Variants in GRIA1 observed in about 807,000 individuals in gnomAD.
GRIA1 encodes glutamate ionotropic receptor AMPA type subunit 1.
In GRIA1, 31 loss-of-function variants were observed where a neutral mutation model predicts 99.2. The observed-to-expected ratio is 0.31, with a 90% confidence interval of 0.23 to 0.42. The LOEUF (loss-of-function observed/expected upper bound fraction) is 0.42, where lower values mean the gene tolerates loss of function less well. GRIA1 is among the 10% of genes least tolerant of loss of function. The pLI is 1.00. For missense variants in GRIA1, 782 were observed against 1,157.5 expected, an observed-to-expected ratio of 0.68 and a Z score of 4.71; for synonymous variants, 438 against 432.4, an observed-to-expected ratio of 1.01 and a Z score of -0.16.
chr5:153,619,654 A>G (rs1377918542), intron 2 of GRIA1, among the ~76,000 whole-genome samples: 1 of 152,184 alleles, frequency 6.6e-6, no homozygotes, highest in African/African-American at 2.4e-5. Flanking sequence ...GGGACAAGGT[A>G]TCTTTATCCC....
intron 11 of GRIA1, among the ~76,000 whole-genome samples, chr5:153,718,377 T>C (rs1455435914): frequency 1.3e-5 from 2 of 152,050 alleles, no homozygotes; most frequent in East Asian, 1.9e-4. Context: ...GCAAGACTTA[T>C]AGGAGGAATT....
chr5:153,707,440 C>G (rs948885865), intron 11 of GRIA1, among the ~76,000 whole-genome samples: 1 of 152,310 alleles, frequency 6.6e-6, no homozygotes, highest in East Asian at 1.9e-4. Flanking sequence ...AATTCCCCAC[C>G]AATTTGCCTG....
intron 10 of GRIA1, among the ~76,000 whole-genome samples, chr5:153,704,311 G>T (rs575730485): frequency 6.6e-6 from 1 of 152,344 alleles, no homozygotes. Context: ...ACCTGCATAG[G>T]CATGTCTCTC....
intron 5 of GRIA1, among the ~76,000 whole-genome samples, chr5:153,665,993 C>A (rs1230789180): frequency 2.0e-5 from 3 of 152,156 alleles, no homozygotes; most frequent in Non-Finnish European, 4.4e-5. Flanking sequence ...CAAGGACAAA[C>A]AACTCATGAG....
At chr5:153,541,982 A>ATAC (rs1759168045) in intron 2 of GRIA1, among the ~76,000 whole-genome samples, 4 of 151,054 alleles carry the variant, frequency 2.6e-5, no homozygotes, top group Admixed American at 2.6e-4. Flanking sequence ...TATGGGGCAC[A>ATAC]TACCTAGAAC....
At chr5:153,657,639 A>G (rs1363732702) in intron 5 of GRIA1, among the ~76,000 whole-genome samples, 6 of 152,190 alleles carry the variant, frequency 3.9e-5, no homozygotes, top group Non-Finnish European at 8.8e-5. Flanking sequence ...TGACCAAAGC[A>G]TCCTGCCTAA....
intron 2 of GRIA1, among the ~76,000 whole-genome samples, chr5:153,629,528 A>G (rs975172977): frequency 1.3e-5 from 2 of 152,228 alleles, no homozygotes; most frequent in Non-Finnish European, 2.9e-5. Context: ...AATACTTTCA[A>G]TCTTACAGGA....
At chr5:153,803,247 A>G (rs1766177110) in intron 15 of GRIA1, among the ~76,000 whole-genome samples, 1 of 152,242 alleles carries the variant, frequency 6.6e-6, no homozygotes, top group African/African-American at 2.4e-5. Context: ...AAGCTTCAAC[A>G]TCACTGAAGG....
intron 2 of GRIA1, among the ~76,000 whole-genome samples, chr5:153,566,871 C>G (rs1420735479): frequency 6.6e-6 from 1 of 151,778 alleles, no homozygotes; most frequent in Non-Finnish European, 1.5e-5. Context: ...TGTGCACCAC[C>G]ACGCCCAGCT....
intron 2 of GRIA1, among the ~76,000 whole-genome samples, chr5:153,530,051 C>T (rs1368705480): frequency 2.0e-5 from 3 of 152,208 alleles, no homozygotes; most frequent in South Asian, 4.1e-4. Flanking sequence ...ACTATAGCAA[C>T]AGCAACAACT....
chr5:153,561,813 G>A (rs867673), intron 2 of GRIA1, among the ~76,000 whole-genome samples: 14,696 of 152,204 alleles, frequency 0.097, 786 homozygotes, highest in South Asian at 0.19. Flanking sequence ...AAAGGAGGGG[G>A]CAATCACTTC....
chr5:153,738,412 C>G (rs1479772316), intron 11 of GRIA1, among the ~76,000 whole-genome samples: 1 of 152,140 alleles, frequency 6.6e-6, no homozygotes, highest in East Asian at 1.9e-4. Flanking sequence ...CTAACCTTGC[C>G]AAGCTTCAGT....
chr5:153,761,608 G>C (rs1763185868), intron 11 of GRIA1, among the ~76,000 whole-genome samples: 1 of 152,088 alleles, frequency 6.6e-6, no homozygotes, highest in Non-Finnish European at 1.5e-5. Context: ...GCATTATGGA[G>C]GTTCCTCAAA....
chr5:153,810,977 C>T (rs1766772713), intron 15 of GRIA1, 48 bp from the exon 16 acceptor site: 4 of 1,365,386 alleles, frequency 2.9e-6, no homozygotes, highest in Non-Finnish European at 4.2e-6. Context: ...TTCCCATTGC[C>T]TGTCATTGCC....
intron 2 of GRIA1, among the ~76,000 whole-genome samples, chr5:153,595,890 T>G (rs1437179425): frequency 6.6e-6 from 1 of 151,948 alleles, no homozygotes; most frequent in African/African-American, 2.4e-5. Context: ...AATACTTCTT[T>G]GGCTAACTTA....
In GRIA1 at chr5:153,566,038, G is replaced by A. The variant is rs575759318; in HGVS notation, c.220+71973G>A. On this transcript the variant is annotated intron_variant, in intron 2 of 15. Coordinates refer to ENST00000285900, the MANE Select transcript of GRIA1 (RefSeq NM_000827.4). ...GTAGTAACTCTATGTTTAGCCTTTT[G>A]AGGAACTGCCAAACTGTTTTCCAAA... Among the ~76,000 whole-genome samples the A allele has an allele frequency of 4.7e-4, 71 of 152,068 alleles. 1 individual carries two copies. Among genetic ancestry groups the A allele is most frequent in the African/African-American group, 1.7e-3 (69 of 41,526 alleles).
chr5:153,796,059 G>A (rs1266202793), intron 14 of GRIA1, among the ~76,000 whole-genome samples: 1 of 131,494 alleles, frequency 7.6e-6, no homozygotes, highest in Admixed American at 8.3e-5. Context: ...CAGCTGGCAT[G>A]ATCCCTCACC....
At chr5:153,692,623 G>A (rs1728375801) in intron 8 of GRIA1, among the ~76,000 whole-genome samples, 1 of 152,110 alleles carries the variant, frequency 6.6e-6, no homozygotes, top group Non-Finnish European at 1.5e-5. Context: ...CTACCGTCTG[G>A]CCCTTTAGGA....
At chr5:153,629,497 C>G (rs1345486047) in intron 2 of GRIA1, among the ~76,000 whole-genome samples, 1 of 152,202 alleles carries the variant, frequency 6.6e-6, no homozygotes, top group African/African-American at 2.4e-5. Context: ...TTCTCCTGCT[C>G]CCCTGAAACC....
Sources: gnomAD v4.1 joint callset for allele counts (sites outside exome capture counted in the v4.1 genomes callset) on GRCh38, gnomAD v4.1.1 for gene constraint, MANE v1.5 for transcripts, NCBI Gene and HGNC (gene_info 2026-07-23, HGNC 2026-07-21) for gene names.